Variants in IMMT observed in about 807,000 individuals in gnomAD.
IMMT encodes the protein inner membrane mitochondrial protein, also known as MICOS complex subunit MIC60.
IMMT carries 40 observed loss-of-function variants against 92.7 expected under a neutral mutation model. That is an observed-to-expected ratio of 0.43 (90% CI 0.34 to 0.56). IMMT has a LOEUF of 0.56. Ranked by LOEUF, IMMT falls within the 20% of genes least tolerant of loss-of-function variation. IMMT has a pLI of 0.03. For missense variants in IMMT, 831 were observed against 912.1 expected (o/e 0.91, Z 1.14); for synonymous variants, 322 against 336.1 (o/e 0.96, Z 0.46).
At chr2:86,190,074 G>C (rs1032939703) in intron 1 of IMMT, among the ~76,000 whole-genome samples, 13 of 152,208 alleles carry the variant, frequency 8.5e-5, no homozygotes, top group Admixed American at 6.5e-4. Flanking sequence ...CTTCGGTGTA[G>C]TAAGTTACGG....
In IMMT at chr2:86,195,312, G is replaced by A. The variant is rs115316771; in HGVS notation, c.45+26C>T. ...GACGGTTCTAGTTCAGCCTCCTCAC[G>A]CGCCTCCGGGAGCCCCAGTGCTCAC... On this transcript the variant is annotated intron_variant, in intron 1 of 14. Transcript: ENST00000410111. The A allele has an allele frequency of 1.9e-3, 2,912 of 1,530,088 alleles. 60 individuals are homozygous for A. The African/African-American group carries it at 0.037, about 20-fold the overall frequency. The allele number at this position is 1,530,088 out of a possible 1,614,324, so 94.8% of individuals were successfully genotyped here. A position where few individuals can be genotyped will look rare whatever the true frequency, so the allele number is the denominator to read the frequency against.
intron 2 of IMMT, 49 bp from the exon 3 acceptor site, chr2:86,179,671 ACCTATTTT>A: frequency 6.9e-7 from 1 of 1,456,862 alleles, no homozygotes; most frequent in Non-Finnish European, 9.2e-7. Context: ...GCTCTCCTAC[ACCTATTTT>A]CCTATACCAA....
chr2:86,158,112 C>G (rs7561589), intron 10 of IMMT, among the ~76,000 whole-genome samples: 5 of 152,094 alleles, frequency 3.3e-5, no homozygotes, highest in Middle Eastern at 3.4e-3. Flanking sequence ...GATAGCCAGA[C>G]AGCTGGTTCC....
chr2:86,168,800 A>T (rs746203568), intron 6 of IMMT, among the ~76,000 whole-genome samples: 2 of 152,218 alleles, frequency 1.3e-5, no homozygotes, highest in Non-Finnish European at 2.9e-5. Context: ...TAATAAGGAG[A>T]AAATAAAAAG....
intron 13 of IMMT, among the ~76,000 whole-genome samples, chr2:86,146,562 A>G (rs556454057): frequency 1.1e-4 from 17 of 151,996 alleles, no homozygotes; most frequent in Non-Finnish European, 2.4e-4. Context: ...GATGGGTTTC[A>G]CCATGTTGGC....
At chr2:86,162,994 G>A (rs1181986295) in intron 7 of IMMT, among the ~76,000 whole-genome samples, 1 of 152,112 alleles carries the variant, frequency 6.6e-6, no homozygotes, top group African/African-American at 2.4e-5. Context: ...ATACCACTAA[G>A]TGCAGCAAGA....
intron 12 of IMMT, among the ~76,000 whole-genome samples, chr2:86,150,418 G>T (rs1184041495): frequency 6.6e-6 from 1 of 152,166 alleles, no homozygotes; most frequent in African/African-American, 2.4e-5. Context: ...GGAGTGGCCA[G>T]CAAGGTAAGA....
chr2:86,179,479 A>G lies in IMMT; in HGVS notation c.263T>C (p.Met88Thr), dbSNP rs760718910. 7 of 1,612,354 alleles carry G rather than the reference A, an allele frequency of 4.3e-6. No homozygotes were observed. In the Admixed American group the frequency reaches 1.2e-4, roughly 27 times the overall value. Residue 88 changes from methionine to threonine, a missense_variant, in exon 3 of 15, where the codon ATG (methionine) becomes ACG (threonine). Coordinates refer to ENST00000410111, the MANE Select transcript of IMMT (RefSeq NM_006839.3). ...TIPYSDKLFE[M>T]VLGPAAYNVP... Reference sequence around the variant, plus strand: ...ATTATAAGCTGCAGGACCAAGAACCATCTCGAAGAGTTTGTCTGAGTAAGG... The same window carrying G: ...ATTATAAGCTGCAGGACCAAGAACCGTCTCGAAGAGTTTGTCTGAGTAAGG...
intron 1 of IMMT, among the ~76,000 whole-genome samples, chr2:86,185,555 C>T (rs536839875): frequency 6.6e-6 from 1 of 152,124 alleles, no homozygotes; most frequent in South Asian, 2.1e-4. Context: ...AATAAGGTTA[C>T]TCAGAACATT....
intron 4 of IMMT, among the ~76,000 whole-genome samples, chr2:86,172,800 G>A (rs1246548102): frequency 6.6e-6 from 1 of 152,128 alleles, no homozygotes; most frequent in Non-Finnish European, 1.5e-5. Context: ...TGCCTGGGAT[G>A]CTTTTCCCCA....
intron 3 of IMMT, among the ~76,000 whole-genome samples, chr2:86,177,549 C>T (rs180821468): frequency 1.3e-5 from 2 of 151,706 alleles, no homozygotes; most frequent in African/African-American, 2.4e-5. Flanking sequence ...TGCAGTGATC[C>T]GAGATCGCGC....
Position 86,144,360 on chromosome 2 carries a change from G to A in IMMT, c.2185C>T (p.Arg729Ter), listed in dbSNP as rs774245699. The A allele has an allele frequency of 3.1e-6, 5 of 1,613,806 alleles. No homozygotes were observed. The highest frequency in any genetic ancestry group is 2.7e-5 in the African/African-American group (2 of 74,878). ...ATCTGTTTCGTTTCTAGGGTCATTC[G>A]GGCTTCCTTCAGCCAGTCCTGTGCC... Reference protein sequence around the residue: ...RVAQDWLKEARMTLETKQIVE... With the variant: ...RVAQDWLKEA The change falls in exon 15 of 15, where the codon CGA becomes TGA. Residue 729 changes from arginine (R) to a stop codon, truncating the protein, a stop_gained. Coordinates refer to ENST00000410111, the MANE Select transcript of IMMT (RefSeq NM_006839.3). LOFTEE classifies it high-confidence loss of function.
At position 86,159,607 on chromosome 2, in the gene IMMT, T is replaced by C; in HGVS notation, c.961A>G (p.Lys321Glu). ...CCCTCTGCAGCAGTTATATGAGGCT[T>C]GGCCCCAGCAACCTCTTTTTTCTTT... ...NAKKKEVAGA[K>E]PHITAAEGKL... is the part of the protein sequence containing the mutation. Residue 321 changes from lysine (K) to glutamate (E), a missense_variant, in exon 9 of 15, where the codon AAG becomes GAG. By Grantham distance (56) the Lys-to-Glu change is moderately conservative. Coordinates refer to ENST00000410111, the MANE Select transcript of IMMT (RefSeq NM_006839.3). The C allele has an allele frequency of 6.3e-7, 1 of 1,593,992 alleles. No homozygotes were observed. The highest frequency in any genetic ancestry group is 8.5e-7 in the Non-Finnish European group (1 of 1,173,758).
intron 12 of IMMT, 96 bp from the exon 13 acceptor site, chr2:86,147,929 T>A: frequency 8.1e-7 from 1 of 1,240,286 alleles, no homozygotes; most frequent in Non-Finnish European, 1.1e-6. Flanking sequence ...AACAGCAGCT[T>A]CCATATCCTG....
At position 86,144,593 on chromosome 2, in the gene IMMT, G is replaced by A. The variant is rs754307559; in HGVS notation, c.1952C>T (p.Thr651Ile). Reference sequence around the variant, plus strand: ...GAAGTACTGGTACAAGCTATTTCTGGTTTCATCAATCATTGCTACCCTTCG... The same window carrying A: ...GAAGTACTGGTACAAGCTATTTCTGATTTCATCAATCATTGCTACCCTTCG... ...LARRVAMIDE[T>I]RNSLYQYFLS... is the part of the protein sequence containing the mutation. Residue 651 changes from threonine to isoleucine, a missense_variant, in exon 15 of 15, where the codon ACC (threonine) becomes ATC (isoleucine). Physicochemically the swap from Thr to Ile is moderately conservative, Grantham distance 89. Coordinates refer to ENST00000410111, the MANE Select transcript of IMMT (RefSeq NM_006839.3). 20 of 1,613,890 alleles carry A rather than the reference G, an allele frequency of 1.2e-5. No individual in the cohort carries two copies. The highest frequency in any genetic ancestry group is 1.7e-5 in the Non-Finnish European group (20 of 1,179,920).
intron 10 of IMMT, among the ~76,000 whole-genome samples, chr2:86,157,788 C>CA (rs74548175): frequency 0.014 from 1,210 of 84,014 alleles, 10 homozygotes; most frequent in African/African-American, 0.021. Flanking sequence ...AACTTTGTCT[C>CA]AAAAAAAAAA....
chr2:86,146,088 CCT>C lies in IMMT; in HGVS notation c.1641_1642del (p.Gly548AsnfsTer12), dbSNP rs1674984963. ...CTTACTCTGAACAGCCTGTTCGATT[CCT>C]CTGAGTCTGGCATAGGCAGTATTTA... is the stretch of plus-strand genomic sequence containing the variant. On this transcript the variant is annotated frameshift_variant, in exon 14 of 15. Coordinates refer to ENST00000410111, the MANE Select transcript of IMMT (RefSeq NM_006839.3). LOFTEE classifies it high-confidence loss of function. 1 of 1,591,740 alleles carries C rather than the reference CCT, an allele frequency of 6.3e-7. No individual in the cohort carries two copies. The highest frequency in any genetic ancestry group is 1.7e-4 in the Middle Eastern group (1 of 5,732).
At chr2:86,146,268 C>T in intron 13 of IMMT, 71 bp from the exon 14 acceptor site, 1 of 1,360,566 alleles carries the variant, frequency 7.3e-7, no homozygotes, top group Non-Finnish European at 1.0e-6. Flanking sequence ...TGTAATCTTC[C>T]AGCAACTACT....
chr2:86,170,942 T>A (rs1353559508), intron 5 of IMMT, 98 bp from the exon 6 acceptor site: 2 of 905,264 alleles, frequency 2.2e-6, no homozygotes, highest in Admixed American at 4.6e-5. Flanking sequence ...TGGCCAGTTA[T>A]ATCAATGCAG....
Sources: allele counts gnomAD v4.1 joint callset (sites outside exome capture counted in the v4.1 genomes callset), GRCh38; gene constraint gnomAD v4.1.1; transcripts MANE v1.5; gene names NCBI Gene and HGNC (gene_info 2026-07-23, HGNC 2026-07-21).